The following CALHM4 variants were observed in gnomAD, a reference collection of about 807,000 sequenced individuals.
CALHM4 encodes the protein calcium homeostasis modulator protein 4.
Under a neutral mutation model 13.3 loss-of-function variants are expected in CALHM4, and 16 were observed. The ratio of observed to expected loss-of-function variants is 1.20; its 90% CI spans 0.81 to 1.82. The LOEUF (loss-of-function observed/expected upper bound fraction) is 1.82. Ranked by LOEUF, CALHM4 falls within the 40% of genes most tolerant of loss-of-function variation. The pLI is 0.00. For missense variants in CALHM4, 344 were observed against 374.9 expected (o/e 0.92, Z 0.68); for synonymous variants, 127 against 137.1 (o/e 0.93, Z 0.52).
intron 2 of CALHM4, among the ~76,000 whole-genome samples, chr6:116,545,245 T>C (rs1285781843): frequency 1.3e-5 from 2 of 152,120 alleles, no homozygotes; most frequent in African/African-American, 4.8e-5. Context: ...CATATTGATA[T>C]AATTAGTCAG....
chr6:116,556,654 A>G (rs1441659614), intron 1 of CALHM4, among the ~76,000 whole-genome samples: 1 of 152,200 alleles, frequency 6.6e-6, no homozygotes, highest in Non-Finnish European at 1.5e-5. Context: ...GTCCCTAAAT[A>G]TGTGGAACTT....
intron 2 of CALHM4, among the ~76,000 whole-genome samples, chr6:116,547,232 G>T (rs1773836277): frequency 6.6e-6 from 1 of 152,078 alleles, no homozygotes; most frequent in Non-Finnish European, 1.5e-5. Context: ...GTCAATTTGT[G>T]GGCAATCCTA....
intron 2 of CALHM4, among the ~76,000 whole-genome samples, chr6:116,544,866 G>A (rs563160579): frequency 9.2e-5 from 14 of 152,096 alleles, no homozygotes; most frequent in Non-Finnish European, 2.1e-4. Flanking sequence ...AAAGTTAACA[G>A]TGAGTTTTTG....
chr6:116,541,558 T>C (rs1773462055), intron 1 of CALHM4, among the ~76,000 whole-genome samples: 1 of 152,172 alleles, frequency 6.6e-6, no homozygotes, highest in South Asian at 2.1e-4. Flanking sequence ...ATTCAATGAA[T>C]CTTGTGAGAT....
intron 1 of CALHM4, among the ~76,000 whole-genome samples, chr6:116,534,095 A>C (rs1024531713): frequency 7.0e-6 from 1 of 143,390 alleles, no homozygotes; most frequent in African/African-American, 2.5e-5. Flanking sequence ...CTCACCCATA[A>C]ATTCTGTAGT....
chr6:116,554,847 A>T (rs1774237202), intron 1 of CALHM4, among the ~76,000 whole-genome samples: 1 of 152,154 alleles, frequency 6.6e-6, no homozygotes, highest in Admixed American at 6.5e-5. Context: ...TCCAGTTATG[A>T]TTCTAAATTT....
chr6:116,553,104 A>G (rs566516590), upstream of CALHM4, among the ~76,000 whole-genome samples: 2 of 152,216 alleles, frequency 1.3e-5, no homozygotes, highest in Non-Finnish European at 2.9e-5. Context: ...AACAAATATC[A>G]CATTTTCATA....
At chr6:116,548,673 C>T (rs1019282555) in intron 2 of CALHM4, among the ~76,000 whole-genome samples, 2 of 152,148 alleles carry the variant, frequency 1.3e-5, no homozygotes, top group South Asian at 2.1e-4. Context: ...GGTTATATCC[C>T]GACAAACCAT....
chr6:116,558,095 G>T lies in CALHM4; in HGVS notation c.829G>T (p.Val277Leu), dbSNP rs541624418. ...TTGTCAGGACTGGAAAGATATTTCA[G>T]TACCCACTCTTTTATGCATGGGTGA... Reference protein sequence around the residue: ...PSCQDWKDISVPTLLCMGDDL... With the variant: ...PSCQDWKDISLPTLLCMGDDL... The change falls in exon 2 of 2, where the codon GTA (valine) becomes TTA (leucine). Residue 277 changes from valine to leucine, a missense_variant. Transcript: ENST00000368596. 1 of 1,614,150 alleles carries T rather than the reference G, an allele frequency of 6.2e-7. No individual in the cohort carries two copies. Among genetic ancestry groups the T allele is most frequent in the South Asian group, 1.1e-5 (1 of 91,088 alleles).
intron 1 of CALHM4, among the ~76,000 whole-genome samples, chr6:116,542,166 G>A (rs985624355): frequency 2.6e-5 from 4 of 152,084 alleles, no homozygotes; most frequent in Non-Finnish European, 5.9e-5. Flanking sequence ...GTGAGCTAGC[G>A]TAAAATAACC....
In CALHM4 at chr6:116,560,650, T is replaced by TGGG; in HGVS notation, c.*2451_*2453dup. Among the ~76,000 whole-genome samples the TGGG allele has an allele frequency of 8.3e-6, 1 of 121,148 alleles. No individual in the cohort carries two copies. Among genetic ancestry groups the TGGG allele is most frequent in the South Asian group, 2.8e-4 (1 of 3,540 alleles). The allele number at this position is 121,148 out of a possible 152,430, so 79.5% of individuals were successfully genotyped here. On this transcript the variant is annotated 3_prime_UTR_variant, in exon 2 of 2. Transcript: ENST00000368596. Reference sequence around the variant, plus strand: ...CAAATAAATGGAATTTTTAGTATTTTGGGGGGGGGGGGGGCTATGGTCTAT... The same window carrying TGGG: ...CAAATAAATGGAATTTTTAGTATTTTGGGGGGGGGGGGGGGGGCTATGGTCTAT...
At chr6:116,540,953 A>G (rs998576243) in intron 1 of CALHM4, among the ~76,000 whole-genome samples, 4 of 152,164 alleles carry the variant, frequency 2.6e-5, no homozygotes, top group African/African-American at 9.7e-5. Context: ...GAGAGCAGAA[A>G]AAATTTTTGT....
At chr6:116,545,538 G>A in intron 2 of CALHM4, 1 of 1,540,542 alleles carries the variant, frequency 6.5e-7, no homozygotes, top group Non-Finnish European at 8.8e-7. Context: ...TGAAGAATAT[G>A]ATCTTCAATT....
At chr6:116,551,052 C>A (rs1017317277), upstream of CALHM4, among the ~76,000 whole-genome samples, 2 of 152,210 alleles carry the variant, frequency 1.3e-5, no homozygotes, top group Admixed American at 6.5e-5. Context: ...AGCTAGCCAA[C>A]CCTAAGTGTT....
intron 1 of CALHM4, among the ~76,000 whole-genome samples, chr6:116,556,533 G>C (rs1384008857): frequency 6.6e-6 from 1 of 152,166 alleles, no homozygotes; most frequent in African/African-American, 2.4e-5. Context: ...TTTAGCCTCC[G>C]TAGAGTACAA....
Position 116,553,816 on chromosome 6 carries a change from T to C in CALHM4, c.23T>C (p.Ile8Thr), listed in dbSNP as rs992520499. 1.5e-5 allele frequency: 23 copies of C among 1,550,384 alleles called. No individual in the cohort carries two copies. Among genetic ancestry groups the C allele is most frequent in the Non-Finnish European group, 1.8e-5 (21 of 1,146,936 alleles). Residue 8 changes from isoleucine (I) to threonine (T), a missense_variant, in exon 1 of 2, where the codon ATT becomes ACT. Ile to Thr is a moderately conservative substitution (Grantham distance 89). Transcript: ENST00000368596. ...AAGATGTGCCCAACTCTCAACAATA[T>C]TGTGTCTTCTCTGCAGAGAAATGGA... Reference protein sequence around the residue: MCPTLNNIVSSLQRNGIF... With the variant: MCPTLNNTVSSLQRNGIF...
chr6:116,532,873 G>C (rs1004217369), intron 1 of CALHM4, among the ~76,000 whole-genome samples: 4 of 152,210 alleles, frequency 2.6e-5, no homozygotes, highest in African/African-American at 9.7e-5. Flanking sequence ...TTACAAAGTT[G>C]CTTTGTCATT....
chr6:116,551,329 T>A (rs940062489), upstream of CALHM4, among the ~76,000 whole-genome samples: 6 of 152,208 alleles, frequency 3.9e-5, no homozygotes, highest in African/African-American at 1.4e-4. Flanking sequence ...TATCCCTACT[T>A]CCAGACTTCC....
chr6:116,546,606 G>T (rs1345283448), intron 2 of CALHM4, among the ~76,000 whole-genome samples: 1 of 152,142 alleles, frequency 6.6e-6, no homozygotes, highest in Non-Finnish European at 1.5e-5. Context: ...GTGGCATTGG[G>T]CAAGCCATTT....
Sources: gnomAD v4.1 joint callset for allele counts (sites outside exome capture counted in the v4.1 genomes callset) on GRCh38, gnomAD v4.1.1 for gene constraint, MANE v1.5 for transcripts, NCBI Gene and HGNC (gene_info 2026-07-23, HGNC 2026-07-21) for gene names.